Variants in MON2 observed in about 807,000 individuals in gnomAD.
MON2 encodes the protein protein MON2 homolog.
Under a neutral mutation model 208.6 loss-of-function variants are expected in MON2, and 84 were observed. That is an observed-to-expected ratio of 0.40 (90% CI 0.34 to 0.48). The LOEUF (loss-of-function observed/expected upper bound fraction) is 0.48. Ranked by LOEUF, MON2 falls within the 20% of genes least tolerant of loss-of-function variation. MON2 has a pLI of 0.59. For synonymous variants in MON2, 660 were observed against 694.0 expected, an observed-to-expected ratio of 0.95 and a Z score of 0.77; for missense variants, 1,611 against 2,015.4, an observed-to-expected ratio of 0.80 and a Z score of 3.84.
intron 22 of MON2, among the ~76,000 whole-genome samples, chr12:62,547,689 A>C (rs1412801976): frequency 1.3e-5 from 2 of 152,202 alleles, no homozygotes. Flanking sequence ...AACAGACCAC[A>C]TATATGATGG....
chr12:62,592,715 C>A lies in MON2; in HGVS notation c.5120C>A (p.Pro1707Gln). The change falls in exon 35 of 35, where the codon CCA (proline) becomes CAA (glutamine). Residue 1707 changes from proline (P) to glutamine (Q), a missense_variant. Transcript: ENST00000393630. ...GTTCCTTTTAAGGATTTCATGCAGC[C>A]ACCAGCATCCAGAGTTCAAAATGGA... Reference protein sequence around the residue: ...ALVPFKDFMQPPASRVQNGES With the variant: ...ALVPFKDFMQQPASRVQNGES The A allele has an allele frequency of 3.1e-6, 5 of 1,601,564 alleles. No individual in the cohort carries two copies. Among genetic ancestry groups the A allele is most frequent in the Non-Finnish European group, 4.3e-6 (5 of 1,170,796 alleles).
Position 62,500,863 on chromosome 12 carries a change from G to A in MON2, c.646G>A (p.Ala216Thr). 1.3e-6 allele frequency: 2 copies of A among 1,566,814 alleles called. No individual in the cohort carries two copies. The highest frequency in any genetic ancestry group is 1.7e-6 in the Non-Finnish European group (2 of 1,152,786). The change falls in exon 6 of 35, where the codon GCA (alanine) becomes ACA (threonine). Residue 216 changes from alanine (A) to threonine (T), a missense_variant. By Grantham distance (58) the Ala-to-Thr change is moderately conservative. Transcript: ENST00000393630. ...VSTLKPCAKD[A>T]YMLFQDLCQL... is the part of the protein sequence containing the mutation. ...TACCCTCAAACCTTGTGCTAAAGATGCATATATGCTTTTCCAGGTATTTTA... is the reference window on the plus strand; with the variant it reads ...TACCCTCAAACCTTGTGCTAAAGATACATATATGCTTTTCCAGGTATTTTA...
At chr12:62,491,439 G>A (rs2070134455) in intron 2 of MON2, among the ~76,000 whole-genome samples, 1 of 152,068 alleles carries the variant, frequency 6.6e-6, no homozygotes, top group Admixed American at 6.6e-5. Flanking sequence ...AAAATCAATG[G>A]CATCTTAAAC....
chr12:62,583,054 T>A (rs1388395657), intron 32 of MON2, among the ~76,000 whole-genome samples: 1 of 152,134 alleles, frequency 6.6e-6, no homozygotes, highest in Non-Finnish European at 1.5e-5. Context: ...GAAAGAAGGC[T>A]GGGCACGGTG....
chr12:62,565,980 C>T, intron 27 of MON2, 34 bp from the exon 28 acceptor site: 1 of 1,586,202 alleles, frequency 6.3e-7, no homozygotes, highest in Non-Finnish European at 8.6e-7. Context: ...TTTTCTCATT[C>T]TATTTGTCTT....
intron 23 of MON2, among the ~76,000 whole-genome samples, chr12:62,550,063 A>G (rs1015295187): frequency 3.9e-5 from 6 of 152,234 alleles, no homozygotes; most frequent in African/African-American, 1.4e-4. Flanking sequence ...AGGGTTTGTC[A>G]TGAAAGGGTT....
intron 5 of MON2, among the ~76,000 whole-genome samples, chr12:62,499,929 C>A (rs543503662): frequency 6.6e-6 from 1 of 151,980 alleles, no homozygotes; most frequent in South Asian, 2.1e-4. Context: ...TAGAATATTT[C>A]CACTTTGGTA....
intron 22 of MON2, among the ~76,000 whole-genome samples, chr12:62,547,691 A>G (rs1350813754): frequency 1.3e-5 from 2 of 152,200 alleles, no homozygotes; most frequent in Non-Finnish European, 2.9e-5. Flanking sequence ...CAGACCACAT[A>G]TATGATGGAG....
intron 8 of MON2, among the ~76,000 whole-genome samples, chr12:62,524,012 A>AATAGTTAT (rs2072205830): frequency 6.6e-6 from 1 of 152,140 alleles, no homozygotes; most frequent in African/African-American, 2.4e-5. Flanking sequence ...GCCCTGTTCT[A>AATAGTTAT]ATAGTTATAT....
intron 34 of MON2, among the ~76,000 whole-genome samples, chr12:62,589,739 A>G (rs1181922409): frequency 7.9e-6 from 1 of 126,578 alleles, no homozygotes; most frequent in Non-Finnish European, 1.6e-5. Flanking sequence ...GTCAGACCCC[A>G]TCTTTAAAAA....
At chr12:62,467,415 A>G (rs560000436) in intron 1 of MON2, 97 bp downstream of exon 1, 2 of 956,162 alleles carry the variant, frequency 2.1e-6, no homozygotes, top group East Asian at 2.5e-5. Context: ...ATTTTCATTC[A>G]GGCCTCACCT....
chr12:62,564,233 T>C (rs1376259353), intron 26 of MON2, among the ~76,000 whole-genome samples: 3 of 152,102 alleles, frequency 2.0e-5, no homozygotes, highest in Non-Finnish European at 4.4e-5. Context: ...ATGTGTTATC[T>C]AATAAGCTAA....
intron 1 of MON2, among the ~76,000 whole-genome samples, chr12:62,468,156 A>T (rs1022928771): frequency 5.6e-5 from 3 of 54,044 alleles, no homozygotes; most frequent in African/African-American, 2.0e-4. Flanking sequence ...TTAATTCTCT[A>T]AAAAAAAAAA....
rs778426342 is a variant in MON2 at position 62,592,748 on chromosome 12, G to A, written c.5153G>A (p.Ter1718=). ...TCCAGAGTTCAAAATGGAGAATCTT[G>A]ACCGGCTACAATATATTTGAAAGCA... ...PASRVQNGES[*] The change falls in exon 35 of 35, where the codon TGA becomes TAA. Residue 1718 remains the stop codon, a stop_retained_variant. Coordinates refer to ENST00000393630, the MANE Select transcript of MON2 (RefSeq NM_015026.3). 4 of 1,588,050 alleles carry A rather than the reference G, an allele frequency of 2.5e-6. No homozygotes were observed. In the Admixed American group the frequency reaches 5.0e-5, roughly 20 times the overall value.
chr12:62,484,631 A>G (rs184323063), intron 2 of MON2: 6 of 165,090 alleles, frequency 3.6e-5, no homozygotes, highest in Admixed American at 1.2e-4. Flanking sequence ...TCTCTTTAAT[A>G]TAATACGAAC....
intron 8 of MON2, 87 bp from the exon 9 acceptor site, chr12:62,524,428 C>T (rs1468712620): frequency 3.7e-6 from 4 of 1,066,898 alleles, no homozygotes; most frequent in Non-Finnish European, 5.5e-6. Flanking sequence ...ATTGGTTTGT[C>T]CATAGCACTA....
chr12:62,494,073 T>C, intron 3 of MON2, 31 bp downstream of exon 3: 1 of 1,583,920 alleles, frequency 6.3e-7, no homozygotes, highest in Non-Finnish European at 8.6e-7. Context: ...AAACTTCACC[T>C]AAGAGTTGAA....
chr12:62,508,317 G>A lies in MON2; in HGVS notation c.821G>A (p.Arg274Lys). ...GAATTTAGTTTCCTCCTCAAAGAAA[G>A]GGTATGTCCTCTTGTGATAAAGCTC... ...HQEFSFLLKE[R>K]VCPLVIKLFS... The change falls in exon 8 of 35, where the codon AGG becomes AAG. Residue 274 changes from arginine to lysine, a missense_variant. Coordinates refer to ENST00000393630, the MANE Select transcript of MON2 (RefSeq NM_015026.3). 1 of 1,613,824 alleles carries A rather than the reference G, an allele frequency of 6.2e-7. No homozygotes were observed. Among genetic ancestry groups the A allele is most frequent in the Non-Finnish European group, 8.5e-7 (1 of 1,179,872 alleles).
intron 34 of MON2, among the ~76,000 whole-genome samples, chr12:62,591,259 T>A (rs1482424629): frequency 3.3e-5 from 5 of 152,168 alleles, no homozygotes; most frequent in Admixed American, 1.3e-4. Context: ...TCCCAACATA[T>A]TAAAACAGAG....
Sources: gnomAD v4.1 joint callset for allele counts (sites outside exome capture counted in the v4.1 genomes callset) on GRCh38, gnomAD v4.1.1 for gene constraint, MANE v1.5 for transcripts, NCBI Gene and HGNC (gene_info 2026-07-23, HGNC 2026-07-21) for gene names.